PLD2: variants seen among roughly 807,000 people sequenced by gnomAD.
PLD2 encodes the protein choline phosphatase 2.
In PLD2, 101 loss-of-function variants were observed where a neutral mutation model predicts 119.8. The observed-to-expected ratio is 0.84, with a 90% CI of 0.72 to 0.99. PLD2 has a LOEUF of 0.99. Among genes scored for constraint, PLD2 ranks in the 50% least tolerant of loss-of-function variants. The probability of loss-of-function intolerance (pLI) is 0.00; values close to 1 mark genes in which losing one functional copy is unlikely to be tolerated. For missense variants in PLD2, 1,164 were observed against 1,226.8 expected (o/e 0.95, Z 0.76); for synonymous variants, 494 against 482.8 (o/e 1.02, Z -0.30).
In PLD2 at chr17:4,819,339, T is replaced by C; in HGVS notation, c.2309-90T>C. The C allele has an allele frequency of 6.2e-7, 1 of 1,600,246 alleles. No homozygotes were observed. Among genetic ancestry groups the C allele is most frequent in the South Asian group, 1.1e-5 (1 of 90,126 alleles). On this transcript the variant is annotated intron_variant, in intron 22 of 24. Coordinates refer to ENST00000263088, the MANE Select transcript of PLD2 (RefSeq NM_002663.5). This position sits in a 1 kb window ranked among gnomAD's most constrained non-coding sequence, Gnocchi z 4.2. The stretch of plus-strand genomic sequence containing the variant: ...TAGGGGTGGAGGGTCCAAGAAGGAA[T>C]GTTGCAGGCCAGTGCTTTGGTAGAG...
rs770705409 is a variant in PLD2 at position 4,809,379 on chromosome 17, C to T, written c.555+16C>T. On this transcript the variant is annotated intron_variant, in intron 6 of 24. Coordinates refer to ENST00000263088, the MANE Select transcript of PLD2 (RefSeq NM_002663.5). ...CCATGCCATGGTAAGGTCCAGGGGCCGATTTTAGATGTGGAGCAGGATTAT... is the reference window on the plus strand; with the variant it reads ...CCATGCCATGGTAAGGTCCAGGGGCTGATTTTAGATGTGGAGCAGGATTAT... The T allele has an allele frequency of 5.0e-6, 8 of 1,613,726 alleles. No individual in the cohort carries two copies. Among genetic ancestry groups the T allele is most frequent in the Admixed American group, 3.3e-5 (2 of 60,012 alleles).
chr17:4,818,840 G>A lies in PLD2; in HGVS notation c.2173+17G>A, dbSNP rs760938076. 1.2e-6 allele frequency: 2 copies of A among 1,611,926 alleles called. No homozygotes were observed. Among genetic ancestry groups the A allele is most frequent in the Non-Finnish European group, 1.7e-6 (2 of 1,178,148 alleles). On this transcript the variant is annotated intron_variant, in intron 21 of 24. Transcript: ENST00000263088. ...AAGCAGCCAGTGAGTGCTGGGGGCT[G>A]GGGGCTCAAGCCCTGGGCCCCTGGG...
chr17:4,822,268 G>A lies in PLD2; in HGVS notation c.2577+361G>A, dbSNP rs565470271. The stretch of plus-strand genomic sequence containing the variant: ...CAGGAGACAGAGATTTCAGTGAGCC[G>A]AGATCACGCCATTGCACTCCAGCCA... On this transcript the variant is annotated intron_variant, in intron 24 of 24. Coordinates refer to ENST00000263088, the MANE Select transcript of PLD2 (RefSeq NM_002663.5). 3.9e-5 allele frequency among the ~76,000 whole-genome samples: 6 copies of A among 152,068 alleles called. No homozygotes were observed. In the South Asian group the frequency reaches 8.3e-4, roughly 21 times the overall value.
chr17:4,816,583 T>A lies in PLD2; in HGVS notation c.1456-37T>A, dbSNP rs74565125. 7,834 of 1,610,632 alleles carry A rather than the reference T, an allele frequency of 4.9e-3. 326 individuals are homozygous for A. In the African/African-American group the frequency reaches 0.089, roughly 18 times the overall value. ...CCTGGCTCTGTACAGCCCCATGACT[T>A]CCCCTTGCCCCTGGCTTGGGTGTGT... On this transcript the variant is annotated intron_variant, in intron 14 of 24. Coordinates refer to ENST00000263088, the MANE Select transcript of PLD2 (RefSeq NM_002663.5).
intron 12 of PLD2, 99 bp downstream of exon 12, chr17:4,814,810 C>A (rs969667542): frequency 3.4e-5 from 36 of 1,051,190 alleles, no homozygotes; most frequent in Non-Finnish European, 5.2e-5. Flanking sequence ...TCTGAGGCTT[C>A]AGGGGAGGGA....
intron 17 of PLD2, 25 bp downstream of exon 17, chr17:4,817,284 C>T: frequency 1.4e-6 from 2 of 1,455,464 alleles, no homozygotes; most frequent in Non-Finnish European, 1.9e-6. Flanking sequence ...TTCAGCCAGC[C>T]CTCCCCTTTG....
intron 14 of PLD2, 103 bp downstream of exon 14, chr17:4,816,037 C>A (rs777333156): frequency 3.0e-5 from 26 of 876,592 alleles, no homozygotes; most frequent in Admixed American, 4.2e-5. Flanking sequence ...CCAGGCCCTG[C>A]CAACCTCAGG....
chr17:4,810,881 G>A lies in PLD2; in HGVS notation c.940G>A (p.Gly314Ser), dbSNP rs927461981. ...GATCACTGAGCTGGCACAGGGCCCA[G>A]GCAGAGACTTCCTACAGCTGCACCG... ...QEITELAQGP[G>S]RDFLQLHRHD... Residue 314 changes from glycine to serine, a missense_variant, in exon 10 of 25, where the codon GGC becomes AGC. Transcript: ENST00000263088. 1.2e-6 allele frequency: 2 copies of A among 1,613,958 alleles called. No homozygotes were observed. Among genetic ancestry groups the A allele is most frequent in the African/African-American group, 2.7e-5 (2 of 75,016 alleles).
chr17:4,816,762 C>T lies in PLD2; in HGVS notation c.1582+16C>T, dbSNP rs372891806. On this transcript the variant is annotated intron_variant, in intron 15 of 24. Transcript: ENST00000263088. ...CCTTTCGAAGGTGAAGCCTCCCACC[C>T]GCCAAAGCCCCAGAGAGCTGAGAGC... 5 of 1,614,054 alleles carry T rather than the reference C, an allele frequency of 3.1e-6. No homozygotes were observed. Among genetic ancestry groups the T allele is most frequent in the East Asian group, 2.2e-5 (1 of 44,898 alleles).
At chr17:4,809,462 G>A (rs2286671) in intron 6 of PLD2, 31 bp from the exon 7 acceptor site, 974,184 of 1,608,924 alleles carry the variant, frequency 0.61, 306,039 homozygotes, top group Non-Finnish European at 0.66. Flanking sequence ...AAAGCCAGGT[G>A]TCTCCTCCGG....
At position 4,814,213 on chromosome 17, in the gene PLD2, A is replaced by G. The variant is rs1353666888; in HGVS notation, c.1011-205A>G. On this transcript the variant is annotated intron_variant, in intron 10 of 24. Coordinates refer to ENST00000263088, the MANE Select transcript of PLD2 (RefSeq NM_002663.5). ...CTCCTGTTCTTTAGTTGATTAGGTTATTGTGTCTTTTTGTAATTTTTATTT... is the reference window on the plus strand; with the variant it reads ...CTCCTGTTCTTTAGTTGATTAGGTTGTTGTGTCTTTTTGTAATTTTTATTT... 47 of 623,374 alleles carry G rather than the reference A, an allele frequency of 7.5e-5. No homozygotes were observed. The Admixed American group carries it at 1.7e-3, about 23-fold the overall frequency. 38.6% of individuals were successfully genotyped at this position (623,374 alleles called of 1,614,324 possible).
rs1905960255 is a variant in PLD2 at position 4,807,402 on chromosome 17, C to T, written c.-2+177C>T. 6.6e-6 allele frequency among the ~76,000 whole-genome samples: 1 copy of T among 152,244 alleles called. No individual in the cohort carries two copies. Among genetic ancestry groups the T allele is most frequent in the South Asian group, 2.1e-4 (1 of 4,830 alleles). The stretch of plus-strand genomic sequence containing the variant: ...CCCGCCTGGACCCCTGCCCCCGGCC[C>T]GCCTGGCCTGGCGTGAGCCCCGTAG... On this transcript the variant is annotated intron_variant, in intron 1 of 24. Transcript: ENST00000263088. The surrounding 1 kb of genome is among the most constrained non-coding windows in gnomAD (Gnocchi z 5.4).
At position 4,823,041 on chromosome 17, in the gene PLD2, A is replaced by C; in HGVS notation, c.*177A>C. 1 of 574,904 alleles carries C rather than the reference A, an allele frequency of 1.7e-6. No individual in the cohort carries two copies. The highest frequency in any genetic ancestry group is 3.1e-6 in the Non-Finnish European group (1 of 322,546). 35.6% of individuals were successfully genotyped at this position (574,904 alleles called of 1,614,324 possible). ...TACGTGAGAAATAGCTGAAAAGGGC[A>C]CTCCCAACCCTGGGCTGGGGAGGAG... On this transcript the variant is annotated 3_prime_UTR_variant, in exon 25 of 25. Coordinates refer to ENST00000263088, the MANE Select transcript of PLD2 (RefSeq NM_002663.5).
At position 4,816,475 on chromosome 17, in the gene PLD2, G is replaced by A. The variant is rs1906983384; in HGVS notation, c.1456-145G>A. On this transcript the variant is annotated intron_variant, in intron 14 of 24. Transcript: ENST00000263088. ...TCCTCTAAAAGTGTCAAAGGCAACTGGAGGGGAGGGCTGGGGAATCAGACC... is the reference window on the plus strand; with the variant it reads ...TCCTCTAAAAGTGTCAAAGGCAACTAGAGGGGAGGGCTGGGGAATCAGACC... The A allele has an allele frequency of 3.5e-6, 3 of 851,456 alleles. No homozygotes were observed. The South Asian group carries it at 4.6e-5, about 13-fold the overall frequency. 52.7% of individuals were successfully genotyped at this position (851,456 alleles called of 1,614,324 possible).
chr17:4,816,815 G>C (rs1029673764), intron 15 of PLD2, 69 bp downstream of exon 15: 1 of 1,610,320 alleles, frequency 6.2e-7, no homozygotes, highest in South Asian at 1.1e-5. Flanking sequence ...CTGGTACTGA[G>C]AGTGGGATGA....
In PLD2 at chr17:4,809,511, A is replaced by T. The variant is rs1439059927; in HGVS notation, c.574A>T (p.Ser192Cys). The T allele has an allele frequency of 6.2e-7, 1 of 1,607,610 alleles. No individual in the cohort carries two copies. Among genetic ancestry groups the T allele is most frequent in the East Asian group, 2.2e-5 (1 of 44,742 alleles). Reference sequence around the variant, plus strand: ...TCTGCAGACAGAGTTCCTGGAAGTCAGTCAGCTGTCCTTTATCCCGGACTT... The same window carrying T: ...TCTGCAGACAGAGTTCCTGGAAGTCTGTCAGCTGTCCTTTATCCCGGACTT... ...YHAMTEFLEV[S>C]QLSFIPDLGR... is the part of the protein sequence containing the mutation. Residue 192 changes from serine to cysteine, a missense_variant, in exon 7 of 25, where the codon AGT becomes TGT. By Grantham distance (112) the Ser-to-Cys change is moderately radical. Transcript: ENST00000263088.
intron 21 of PLD2, 114 bp downstream of exon 21, chr17:4,818,937 T>C: frequency 6.7e-7 from 1 of 1,481,528 alleles, no homozygotes; most frequent in Middle Eastern, 1.8e-4. Context: ...CCTCTGACGC[T>C]ACGCAGACCA....
At position 4,823,030 on chromosome 17, in the gene PLD2, C is replaced by T. The variant is rs1907839477; in HGVS notation, c.*166C>T. The T allele has an allele frequency of 5.1e-6, 3 of 583,498 alleles. No homozygotes were observed. In the South Asian group the frequency reaches 6.6e-5, roughly 13 times the overall value. The allele number at this position is 583,498 out of a possible 1,614,324, so 36.1% of individuals were successfully genotyped here. A position where few individuals can be genotyped will look rare whatever the true frequency, so the allele number is the denominator to read the frequency against. On this transcript the variant is annotated 3_prime_UTR_variant, in exon 25 of 25. Transcript: ENST00000263088. ...CAGAGGACCCTTACGTGAGAAATAG[C>T]TGAAAAGGGCACTCCCAACCCTGGG...
rs1214386092 is a variant in PLD2 at position 4,807,277 on chromosome 17, C to G, written c.-2+52C>G. On this transcript the variant is annotated intron_variant, in intron 1 of 24. Coordinates refer to ENST00000263088, the MANE Select transcript of PLD2 (RefSeq NM_002663.5). This position sits in a 1 kb window ranked among gnomAD's most constrained non-coding sequence, Gnocchi z 5.4. ...GGGGTCCCGGGTCTCGGAAATCGGGCGGGGACGGAACGGGCTCGGGCTGCG... is the reference window on the plus strand; with the variant it reads ...GGGGTCCCGGGTCTCGGAAATCGGGGGGGGACGGAACGGGCTCGGGCTGCG... 1 of 152,076 alleles carries G rather than the reference C, an allele frequency of 6.6e-6. No homozygotes were observed. Among genetic ancestry groups the G allele is most frequent in the Non-Finnish European group, 1.5e-5 (1 of 68,050 alleles). 9.4% of individuals were successfully genotyped at this position (152,076 alleles called of 1,614,324 possible). A position where few individuals can be genotyped will look rare whatever the true frequency, so the allele number is the denominator to read the frequency against.
Sources: gnomAD v4.1 joint callset for allele counts (sites outside exome capture counted in the v4.1 genomes callset) on GRCh38, gnomAD v4.1.1 for gene constraint, Gnocchi (gnomAD v3.1) non-coding constraint, MANE v1.5 for transcripts, NCBI Gene and HGNC (gene_info 2026-07-23, HGNC 2026-07-21) for gene names.